The following IRX1 variants were observed in gnomAD, a reference collection of about 807,000 sequenced individuals.
IRX1 encodes iroquois homeobox 1.
A neutral mutation model predicts 34.1 loss-of-function variants in IRX1; 22 were observed. The observed-to-expected ratio is 0.64, with a 90% confidence interval of 0.46 to 0.92. IRX1 has a LOEUF of 0.92. IRX1 is among the 40% of genes least tolerant of loss of function. The pLI is 0.00. For missense variants in IRX1, 758 were observed against 680.0 expected, an observed-to-expected ratio of 1.11 and a Z score of -1.28; for synonymous variants, 363 against 319.0, an observed-to-expected ratio of 1.14 and a Z score of -1.47.
rs772238831 is a variant in IRX1 at position 3,599,559 on chromosome 5, C to T, written c.611C>T (p.Ala204Val). The change falls in exon 2 of 4, where the codon GCG becomes GTG. Residue 204 changes from alanine to valine, a missense_variant. By Grantham distance (64) the Ala-to-Val change is moderately conservative. Around this residue, in one of 3 missense-constraint regions of IRX1, gnomAD observed 529 missense variants for 418.8 expected, o/e 1.26. Transcript: ENST00000302006. This position sits in a 1 kb window ranked among gnomAD's most constrained non-coding sequence, Gnocchi z 6.6. ...CGCAGCAAGGACCAGGAAGATGGAG[C>T]GCTCTTCGGCAGCGACACCGAGGGC... ...GARSKDQEDG[A>V]LFGSDTEGDP... is the part of the protein sequence containing the mutation. 6.2e-7 allele frequency: 1 copy of T among 1,614,074 alleles called. No individual in the cohort carries two copies. Among genetic ancestry groups the T allele is most frequent in the Non-Finnish European group, 8.5e-7 (1 of 1,180,022 alleles).
rs1051583755 is a variant in IRX1, at chr5:3,599,184, C to G, written c.277-41C>G. 1.7e-5 allele frequency: 27 copies of G among 1,567,598 alleles called. No homozygotes were observed. The highest frequency in any genetic ancestry group is 6.1e-6 in the Non-Finnish European group (7 of 1,148,576). On this transcript the variant is annotated intron_variant, in intron 1 of 3. Transcript: ENST00000302006. This position sits in a 1 kb window ranked among gnomAD's most constrained non-coding sequence, Gnocchi z 6.6. ...TCTCTCTCCCTTTCTCTCTCCACTTCCCTCCTCTCTCTCCTCGATGGATCT... is the reference window on the plus strand; with the variant it reads ...TCTCTCTCCCTTTCTCTCTCCACTTGCCTCCTCTCTCTCCTCGATGGATCT...
chr5:3,596,413 C>G lies in IRX1; in HGVS notation c.276+32C>G, dbSNP rs747694006. The G allele has an allele frequency of 6.1e-5, 90 of 1,463,426 alleles. 1 individual carries two copies. The South Asian group carries it at 1.2e-3, about 19-fold the overall frequency. The allele number at this position is 1,463,426 out of a possible 1,614,324, so 90.7% of individuals were successfully genotyped here. On this transcript the variant is annotated intron_variant, in intron 1 of 3. Coordinates refer to ENST00000302006, the MANE Select transcript of IRX1 (RefSeq NM_024337.4). ...GCGCCCGGCCTCCCCCGCTTCTCCT[C>G]TGTCTCACCCGCGCCAGGGCAAGGG... is the stretch of plus-strand genomic sequence containing the variant.
In IRX1 at chr5:3,600,163, C is replaced by T. The variant is rs1353209671; in HGVS notation, c.1215C>T (p.His405=). 6.2e-7 allele frequency: 1 copy of T among 1,612,912 alleles called. No homozygotes were observed. The highest frequency in any genetic ancestry group is 8.5e-7 in the Non-Finnish European group (1 of 1,179,878). The change falls in exon 2 of 4, where the codon CAC becomes CAT. Residue 405 remains histidine (H), a synonymous_variant. Coordinates refer to ENST00000302006, the MANE Select transcript of IRX1 (RefSeq NM_024337.4). ...CCCACGCCGCGCCCCATGGCCCTCACCTTCCTGCACCTCCACCACCGCAGC... is the reference window on the plus strand; with the variant it reads ...CCCACGCCGCGCCCCATGGCCCTCATCTTCCTGCACCTCCACCACCGCAGC... ...GAPHAAPHGP[H]LPAPPPPQPP...
At position 3,600,232 on chromosome 5, in the gene IRX1, C is replaced by G; in HGVS notation, c.1284C>G (p.Ala428=). The change falls in exon 2 of 4, where the codon GCC becomes GCG. Residue 428 remains alanine (A), a synonymous_variant. Transcript: ENST00000302006. The stretch of plus-strand genomic sequence containing the variant: ...CGGGGGCACTCAATGGAGACAAGGC[C>G]TCGGTCCGCAGCAGCCCCACGCTCC... ...IAPGALNGDK[A]SVRSSPTLPE... 1 of 1,603,714 alleles carries G rather than the reference C, an allele frequency of 6.2e-7. No homozygotes were observed. Among genetic ancestry groups the G allele is most frequent in the Non-Finnish European group, 8.5e-7 (1 of 1,176,670 alleles).
At position 3,599,813 on chromosome 5, in the gene IRX1, C is replaced by T. The variant is rs778541757; in HGVS notation, c.865C>T (p.Pro289Ser). 1.6e-5 allele frequency: 25 copies of T among 1,582,798 alleles called. No homozygotes were observed. Among genetic ancestry groups the T allele is most frequent in the Admixed American group, 5.4e-5 (3 of 55,232 alleles). Residue 289 changes from proline (P) to serine (S), a missense_variant, in exon 2 of 4, where the codon CCA becomes TCA. By Grantham distance (74) the Pro-to-Ser change is moderately conservative. Coordinates refer to ENST00000302006, the MANE Select transcript of IRX1 (RefSeq NM_024337.4). The surrounding 1 kb of genome is among the most constrained non-coding windows in gnomAD (Gnocchi z 6.6). ...GCCCTTGGGCCTGGCAAAGGAGGCC[C>T]CAGAGCCGGGCAGCACGCGCCTGCT... ...DSPLGLAKEA[P>S]EPGSTRLLSP...
Position 3,601,342 on chromosome 5 carries a change from T to C in IRX1, c.*302T>C. On this transcript the variant is annotated 3_prime_UTR_variant, in exon 4 of 4. Transcript: ENST00000302006. ...ATATAGAGTGGTTTCAGATTGTAAA[T>C]AGCGCGTCAGCGAACTTGTCTAAAT... 2.3e-6 allele frequency: 1 copy of C among 441,526 alleles called. No individual in the cohort carries two copies. Among genetic ancestry groups the C allele is most frequent in the Non-Finnish European group, 4.1e-6 (1 of 243,294 alleles). The allele number at this position is 441,526 out of a possible 1,614,324, so 27.4% of individuals were successfully genotyped here. A position where few individuals can be genotyped will look rare whatever the true frequency, so the allele number is the denominator to read the frequency against.
Position 3,599,162 on chromosome 5 carries a change from C to G in IRX1, c.277-63C>G. On this transcript the variant is annotated intron_variant, in intron 1 of 3. Coordinates refer to ENST00000302006, the MANE Select transcript of IRX1 (RefSeq NM_024337.4). The surrounding 1 kb of genome is among the most constrained non-coding windows in gnomAD (Gnocchi z 6.6). ...CTTGGGGACTCATGTCTCTCTCTCT[C>G]TCTCCCTTTCTCTCTCCACTTCCCT... 1 of 1,489,440 alleles carries G rather than the reference C, an allele frequency of 6.7e-7. No homozygotes were observed. The highest frequency in any genetic ancestry group is 9.1e-7 in the Non-Finnish European group (1 of 1,096,032). The allele number at this position is 1,489,440 out of a possible 1,614,324, so 92.3% of individuals were successfully genotyped here.
At chr5:3,600,498 C>A (rs1015291748) in intron 2 of IRX1, 111 bp from the exon 3 acceptor site, 2 of 1,029,068 alleles carry the variant, frequency 1.9e-6, no homozygotes, top group Non-Finnish European at 2.9e-6. Context: ...TGAGGGGTGA[C>A]GTTTTTCGGC....
At position 3,599,807 on chromosome 5, in the gene IRX1, G is replaced by C. The variant is rs1346940968; in HGVS notation, c.859G>C (p.Glu287Gln). Residue 287 changes from glutamate (E) to glutamine (Q), a missense_variant, in exon 2 of 4, where the codon GAG becomes CAG. Physicochemically the swap from Glu to Gln is conservative, Grantham distance 29 (BLOSUM62 2). Transcript: ENST00000302006. The surrounding 1 kb of genome is among the most constrained non-coding windows in gnomAD (Gnocchi z 6.6). ...GGACTCGCCCTTGGGCCTGGCAAAG[G>C]AGGCCCCAGAGCCGGGCAGCACGCG... ...PQDSPLGLAK[E>Q]APEPGSTRLL... 1.9e-6 allele frequency: 3 copies of C among 1,587,814 alleles called. No homozygotes were observed. Among genetic ancestry groups the C allele is most frequent in the Non-Finnish European group, 2.6e-6 (3 of 1,168,486 alleles).
At position 3,596,337 on chromosome 5, in the gene IRX1, G is replaced by T. The variant is rs1323668640; in HGVS notation, c.232G>T (p.Ala78Ser). 5 of 1,529,898 alleles carry T rather than the reference G, an allele frequency of 3.3e-6. No individual in the cohort carries two copies. Among genetic ancestry groups the T allele is most frequent in the South Asian group, 2.4e-5 (2 of 81,838 alleles). 94.8% of individuals were successfully genotyped at this position (1,529,898 alleles called of 1,614,324 possible). A position where few individuals can be genotyped will look rare whatever the true frequency, so the allele number is the denominator to read the frequency against. The change falls in exon 1 of 4, where the codon GCC becomes TCC. Residue 78 changes from alanine (A) to serine (S), a missense_variant. Ala to Ser is a moderately conservative substitution (Grantham distance 99, BLOSUM62 1). Transcript: ENST00000302006. ...GPYAGAPNYS[A>S]FLPYAADLSL... is the part of the protein sequence containing the mutation. Reference sequence around the variant, plus strand: ...GTACGCGGGCGCGCCCAACTACAGCGCCTTCCTGCCCTACGCCGCGGATCT... The same window carrying T: ...GTACGCGGGCGCGCCCAACTACAGCTCCTTCCTGCCCTACGCCGCGGATCT...
rs1266707172 is a variant in IRX1, at chr5:3,599,339, C to T, written c.391C>T (p.Pro131Ser). 3 of 1,613,998 alleles carry T rather than the reference C, an allele frequency of 1.9e-6. No homozygotes were observed. The highest frequency in any genetic ancestry group is 2.5e-6 in the Non-Finnish European group (3 of 1,180,038). The change falls in exon 2 of 4, where the codon CCC becomes TCC. Residue 131 changes from proline to serine, a missense_variant. By Grantham distance (74) the Pro-to-Ser change is moderately conservative. Around this residue, in one of 3 missense-constraint regions of IRX1, gnomAD observed 195 missense variants for 195.0 expected, o/e 1.00. Coordinates refer to ENST00000302006, the MANE Select transcript of IRX1 (RefSeq NM_024337.4). The surrounding 1 kb of genome is among the most constrained non-coding windows in gnomAD (Gnocchi z 6.6). ...GQFQYGDPGR[P>S]KNATRESTST... ...GTTCCAATACGGGGACCCCGGGCGG[C>T]CCAAGAACGCCACCCGCGAGAGCAC...
chr5:3,600,649 G>C lies in IRX1; in HGVS notation c.1353G>C (p.Gln451His), dbSNP rs772925568. The stretch of plus-strand genomic sequence containing the variant: ...CCAGGCCAGATTCGCCGGCACAGCA[G>C]TTAAAGTCGCCCTTCCAGCCGGTAC... The part of the protein sequence containing the change: ...LVPRPDSPAQ[Q>H]LKSPFQPVRD... Residue 451 changes from glutamine to histidine, a missense_variant, in exon 3 of 4, where the codon CAG becomes CAC. Coordinates refer to ENST00000302006, the MANE Select transcript of IRX1 (RefSeq NM_024337.4). The C allele has an allele frequency of 3.7e-6, 6 of 1,611,882 alleles. No homozygotes were observed. The highest frequency in any genetic ancestry group is 2.7e-5 in the African/African-American group (2 of 74,878).
In IRX1 at chr5:3,599,657, G is replaced by C; in HGVS notation, c.709G>C (p.Asp237His). 2 of 1,613,788 alleles carry C rather than the reference G, an allele frequency of 1.2e-6. No homozygotes were observed. Among genetic ancestry groups the C allele is most frequent in the Non-Finnish European group, 1.7e-6 (2 of 1,180,026 alleles). ...CGACATTGACAAGATCGACGAGCAC[G>C]ATGGCGACCAGAGCAACGAGGATGA... Reference protein sequence around the residue: ...SIDIDKIDEHDGDQSNEDDED... With the variant: ...SIDIDKIDEHHGDQSNEDDED... The change falls in exon 2 of 4, where the codon GAT becomes CAT. Residue 237 changes from aspartate to histidine, a missense_variant. This residue lies in a region of IRX1 where 529 missense variants were observed against 418.8 expected (regional missense o/e 1.26). Coordinates refer to ENST00000302006, the MANE Select transcript of IRX1 (RefSeq NM_024337.4). This position sits in a 1 kb window ranked among gnomAD's most constrained non-coding sequence, Gnocchi z 6.6.
chr5:3,598,762 T>A (rs1191799879), intron 1 of IRX1, among the ~76,000 whole-genome samples: 1 of 152,216 alleles, frequency 6.6e-6, no homozygotes, highest in Admixed American at 6.5e-5. Context: ...TCTGGGCCCT[T>A]TACGTTTGGA....
intron 3 of IRX1, 121 bp from the exon 4 acceptor site, chr5:3,600,862 G>T (rs1733947621): frequency 8.1e-7 from 1 of 1,234,318 alleles, no homozygotes; most frequent in Non-Finnish European, 1.2e-6. Context: ...TCCCCAGCCG[G>T]GAGCCGCGCT....
At chr5:3,598,780 C>G (rs1209292867) in intron 1 of IRX1, among the ~76,000 whole-genome samples, 1 of 152,136 alleles carries the variant, frequency 6.6e-6, no homozygotes, top group East Asian at 1.9e-4. Context: ...GGAGAAATGG[C>G]TTTATCAGCT....
At chr5:3,600,865 G>C in intron 3 of IRX1, 118 bp from the exon 4 acceptor site, 1 of 1,239,698 alleles carries the variant, frequency 8.1e-7, no homozygotes, top group Non-Finnish European at 1.2e-6. Context: ...CCAGCCGGGA[G>C]CCGCGCTGGC....
In IRX1 at chr5:3,596,241, G is replaced by T. The variant is rs1236687762; in HGVS notation, c.136G>T (p.Ala46Ser). The T allele has an allele frequency of 5.9e-5, 69 of 1,171,892 alleles. No individual in the cohort carries two copies. The highest frequency in any genetic ancestry group is 6.9e-5 in the Non-Finnish European group (66 of 949,874). The allele number at this position is 1,171,892 out of a possible 1,614,324, so 72.6% of individuals were successfully genotyped here. A position where few individuals can be genotyped will look rare whatever the true frequency, so the allele number is the denominator to read the frequency against. Reference protein sequence around the residue: ...AAASSGRPGAAELGGGAGAAA... With the variant: ...AAASSGRPGASELGGGAGAAA... Reference sequence around the variant, plus strand: ...CGCCTCGTCGGGCCGACCGGGGGCCGCGGAGCTGGGCGGCGGGGCAGGCGC... The same window carrying T: ...CGCCTCGTCGGGCCGACCGGGGGCCTCGGAGCTGGGCGGCGGGGCAGGCGC... The change falls in exon 1 of 4, where the codon GCG becomes TCG. Residue 46 changes from alanine (A) to serine (S), a missense_variant. This residue lies in a region of IRX1 where 195 missense variants were observed against 195.0 expected (regional missense o/e 1.00). Transcript: ENST00000302006.
At position 3,601,284 on chromosome 5, in the gene IRX1, C is replaced by T. The variant is rs1385673409; in HGVS notation, c.*244C>T. 15 of 569,480 alleles carry T rather than the reference C, an allele frequency of 2.6e-5. No homozygotes were observed. In the Admixed American group the frequency reaches 3.1e-4, roughly 12 times the overall value. 35.3% of individuals were successfully genotyped at this position (569,480 alleles called of 1,614,324 possible). A position where few individuals can be genotyped will look rare whatever the true frequency, so the allele number is the denominator to read the frequency against. The stretch of plus-strand genomic sequence containing the variant: ...GATTATCGGGTTCGGTAAATGCCCC[C>T]ACGTGCTTGTGTCTCTTTCCCCCCT... On this transcript the variant is annotated 3_prime_UTR_variant, in exon 4 of 4. Coordinates refer to ENST00000302006, the MANE Select transcript of IRX1 (RefSeq NM_024337.4).
Sources: allele counts gnomAD v4.1 joint callset (sites outside exome capture counted in the v4.1 genomes callset), GRCh38; gene constraint gnomAD v4.1.1; regional missense constraint gnomAD v4.1.1; non-coding constraint Gnocchi (gnomAD v3.1); transcripts MANE v1.5; gene names NCBI Gene and HGNC (gene_info 2026-07-23, HGNC 2026-07-21).